GPC6: variants seen among roughly 807,000 people sequenced by gnomAD.
GPC6 encodes the protein glypican 6.
GPC6 carries 14 observed loss-of-function variants against 55.2 expected under a neutral mutation model. The ratio of observed to expected loss-of-function variants is 0.25; its 90% CI spans 0.17 to 0.40. The LOEUF (loss-of-function observed/expected upper bound fraction) is 0.40. Ranked by LOEUF, GPC6 falls within the 10% of genes least tolerant of loss-of-function variation. The pLI is 1.00. For missense variants in GPC6, 641 were observed against 708.5 expected (o/e 0.90, Z 1.08); for synonymous variants, 278 against 259.6 (o/e 1.07, Z -0.68).
At chr13:93,513,789 G>T (rs1042330416) in intron 1 of GPC6, among the ~76,000 whole-genome samples, 2 of 150,934 alleles carry the variant, frequency 1.3e-5, no homozygotes, top group East Asian at 2.0e-4. Context: ...TCCTTGGGTT[G>T]TAAGTGCTGA....
rs142511200 is a variant in GPC6 at position 93,292,033 on chromosome 13, C to G, written c.160+64417C>G. ...TTCAATTTAAGAATCTCAGTTTTAC[C>G]AGTTTGGTTTAGGAATTCTAATTTG... On this transcript the variant is annotated intron_variant, in intron 1 of 8. Coordinates refer to ENST00000377047, the MANE Select transcript of GPC6 (RefSeq NM_005708.5). Among the ~76,000 whole-genome samples, 31 of 152,108 alleles carry G rather than the reference C, an allele frequency of 2.0e-4. No homozygotes were observed. In the East Asian group the frequency reaches 2.9e-3, roughly 14 times the overall value.
intron 2 of GPC6, among the ~76,000 whole-genome samples, chr13:93,616,953 T>C (rs2139550215): frequency 6.6e-6 from 1 of 152,202 alleles, no homozygotes; most frequent in African/African-American, 2.4e-5. Context: ...TTACAGTTTG[T>C]TTTTTCTCCT....
chr13:93,292,983 C>T (rs1878366379), intron 1 of GPC6, among the ~76,000 whole-genome samples: 1 of 152,036 alleles, frequency 6.6e-6, no homozygotes, highest in Non-Finnish European at 1.5e-5. Context: ...GGTAGAAGTT[C>T]CTTTTTTTAA....
intron 2 of GPC6, among the ~76,000 whole-genome samples, chr13:93,770,211 A>G (rs1885248393): frequency 6.6e-6 from 1 of 152,074 alleles, no homozygotes; most frequent in Admixed American, 6.6e-5. Flanking sequence ...ATTTTTGCAT[A>G]TTTTTTAGTT....
At chr13:93,671,531 A>G (rs1297304466) in intron 2 of GPC6, among the ~76,000 whole-genome samples, 1 of 151,962 alleles carries the variant, frequency 6.6e-6, no homozygotes, top group Non-Finnish European at 1.5e-5. Context: ...TACCAACTAC[A>G]TGGGCTTTCC....
At chr13:93,457,374 A>T (rs1033759554) in intron 1 of GPC6, among the ~76,000 whole-genome samples, 1 of 152,240 alleles carries the variant, frequency 6.6e-6, no homozygotes, top group South Asian at 2.1e-4. Context: ...ATTCTGAGCT[A>T]CTGTGGGGTA....
At chr13:94,057,053 T>C (rs1207421517) in intron 4 of GPC6, among the ~76,000 whole-genome samples, 1 of 152,210 alleles carries the variant, frequency 6.6e-6, no homozygotes, top group African/African-American at 2.4e-5. Context: ...TATTGAGTTG[T>C]AAGGGTTTTT....
chr13:94,103,169 G>A (rs1885930066), intron 4 of GPC6, among the ~76,000 whole-genome samples: 1 of 152,128 alleles, frequency 6.6e-6, no homozygotes, highest in Non-Finnish European at 1.5e-5. Context: ...AGTTTGCTGA[G>A]AATGATGGTT....
At chr13:94,059,022 T>C (rs1026705944) in intron 4 of GPC6, among the ~76,000 whole-genome samples, 2 of 152,110 alleles carry the variant, frequency 1.3e-5, no homozygotes, top group Non-Finnish European at 2.9e-5. Context: ...CTCTAGTGTT[T>C]ACTTGATTAA....
intron 1 of GPC6, among the ~76,000 whole-genome samples, chr13:93,484,001 T>C (rs1879610153): frequency 6.6e-6 from 1 of 152,184 alleles, no homozygotes; most frequent in African/African-American, 2.4e-5. Flanking sequence ...TTAACTATTT[T>C]CCTTGTTTAG....
At chr13:94,113,361 C>G (rs1030177840) in intron 4 of GPC6, among the ~76,000 whole-genome samples, 4 of 152,062 alleles carry the variant, frequency 2.6e-5, no homozygotes, top group African/African-American at 7.2e-5. Context: ...TAATCATACT[C>G]TCAGTTCCTA....
chr13:94,279,719 C>T (rs920540801), intron 4 of GPC6, among the ~76,000 whole-genome samples: 3 of 152,126 alleles, frequency 2.0e-5, no homozygotes, highest in African/African-American at 7.2e-5. Context: ...CACTCAGGAG[C>T]AGGTTGTTCC....
At chr13:94,314,065 C>T (rs2139121533) in intron 6 of GPC6, among the ~76,000 whole-genome samples, 2 of 152,284 alleles carry the variant, frequency 1.3e-5, no homozygotes, top group African/African-American at 4.8e-5. Context: ...GTACAATCTA[C>T]ATTATAGCAT....
At chr13:93,240,025 T>G (rs144922343) in intron 1 of GPC6, among the ~76,000 whole-genome samples, 2 of 152,264 alleles carry the variant, frequency 1.3e-5, no homozygotes, top group Non-Finnish European at 2.9e-5. Flanking sequence ...TTTAAAAATT[T>G]ATTGGAACTT....
At chr13:93,345,234 C>T (rs1880386755) in intron 1 of GPC6, among the ~76,000 whole-genome samples, 1 of 151,972 alleles carries the variant, frequency 6.6e-6, no homozygotes, top group Non-Finnish European at 1.5e-5. Flanking sequence ...CCTTTAGTCT[C>T]TCTGGGGCTT....
At chr13:93,918,401 A>G (rs1594587027) in intron 3 of GPC6, among the ~76,000 whole-genome samples, 2 of 152,296 alleles carry the variant, frequency 1.3e-5, no homozygotes, top group African/African-American at 2.4e-5. Flanking sequence ...CAAAGAGGGC[A>G]GTTTTAAAGC....
Position 93,227,698 on chromosome 13 carries a change from C to A in GPC6, c.160+82C>A, listed in dbSNP as rs1422368060. On this transcript the variant is annotated intron_variant, in intron 1 of 8. Coordinates refer to ENST00000377047, the MANE Select transcript of GPC6 (RefSeq NM_005708.5). The surrounding 1 kb of genome is among the most constrained non-coding windows in gnomAD (Gnocchi z 4.3). ...CTGGCCGCCCGGCGTCCCCTTCCTTCCCCCTGTTGCTGAGTTGGTGCTCAC... is the reference window on the plus strand; with the variant it reads ...CTGGCCGCCCGGCGTCCCCTTCCTTACCCCTGTTGCTGAGTTGGTGCTCAC... The A allele has an allele frequency of 5.3e-6, 6 of 1,128,912 alleles. No individual in the cohort carries two copies. The highest frequency in any genetic ancestry group is 3.1e-5 in the African/African-American group (2 of 64,870). 69.9% of individuals were successfully genotyped at this position (1,128,912 alleles called of 1,614,324 possible).
chr13:93,462,648 AC>A (rs765971946), intron 1 of GPC6, among the ~76,000 whole-genome samples: 29 of 150,372 alleles, frequency 1.9e-4, no homozygotes, highest in Non-Finnish European at 4.1e-4. Flanking sequence ...GAAAAAAAAA[AC>A]AACTAAGGAA....
At chr13:93,669,534 G>T (rs1403803088) in intron 2 of GPC6, among the ~76,000 whole-genome samples, 2 of 152,178 alleles carry the variant, frequency 1.3e-5, no homozygotes, top group Non-Finnish European at 2.9e-5. Context: ...ACTGAAACTA[G>T]CTGTTTAAGG....
Sources: gnomAD v4.1 joint callset for allele counts (sites outside exome capture counted in the v4.1 genomes callset) on GRCh38, gnomAD v4.1.1 for gene constraint, Gnocchi (gnomAD v3.1) non-coding constraint, MANE v1.5 for transcripts, NCBI Gene and HGNC (gene_info 2026-07-23, HGNC 2026-07-21) for gene names.